The following JARID2 variants were observed in gnomAD, a reference collection of about 807,000 sequenced individuals.
The protein encoded by JARID2 is protein Jumonji.
JARID2 carries 21 observed loss-of-function variants against 125.6 expected under a neutral mutation model. That is an observed-to-expected ratio of 0.17 (90% CI 0.12 to 0.24). The LOEUF (loss-of-function observed/expected upper bound fraction) is 0.24, where lower values mean the gene tolerates loss of function less well. Ranked by LOEUF, JARID2 falls within the 10% of genes least tolerant of loss-of-function variation. The pLI, the probability that JARID2 is intolerant of heterozygous loss-of-function variation, is 1.00. For missense variants in JARID2, 1,303 were observed against 1,639.6 expected (o/e 0.79, Z 3.55); for synonymous variants, 736 against 661.6 (o/e 1.11, Z -1.73).
chr6:15,290,386 G>T (rs1761160527), intron 1 of JARID2, among the ~76,000 whole-genome samples: 1 of 152,114 alleles, frequency 6.6e-6, no homozygotes, highest in African/African-American at 2.4e-5. Flanking sequence ...TTCCTTTCTT[G>T]TGGGTAAATA....
Position 15,403,746 on chromosome 6 carries a change from T to G in JARID2, c.182-6478T>G, listed in dbSNP as rs185492974. 2.0e-5 allele frequency among the ~76,000 whole-genome samples: 3 copies of G among 152,032 alleles called. No homozygotes were observed. In the East Asian group the frequency reaches 5.8e-4, roughly 29 times the overall value. On this transcript the variant is annotated intron_variant, in intron 2 of 17. Coordinates refer to ENST00000341776, the MANE Select transcript of JARID2 (RefSeq NM_004973.4). ...TTGAAGGTGTGTCGTGGGGGCGGAT[T>G]CTGGTGGTGGTGAGAGAGCTCTTGT...
chr6:15,450,342 G>A (rs144032455), intron 3 of JARID2, among the ~76,000 whole-genome samples: 1 of 152,144 alleles, frequency 6.6e-6, no homozygotes, highest in South Asian at 2.1e-4. Flanking sequence ...GCTAATTTTT[G>A]TATTTTTAGT....
At chr6:15,487,803 C>G (rs539118055) in intron 6 of JARID2, among the ~76,000 whole-genome samples, 85 of 151,906 alleles carry the variant, frequency 5.6e-4, no homozygotes, top group Middle Eastern at 6.8e-3. Flanking sequence ...TTTACTTAAG[C>G]CTTCTCCCAC....
At chr6:15,325,934 T>G (rs563197354) in intron 1 of JARID2, among the ~76,000 whole-genome samples, 3 of 152,356 alleles carry the variant, frequency 2.0e-5, no homozygotes, top group East Asian at 3.9e-4. Flanking sequence ...GTGCCACTTT[T>G]CTCACAGTTT....
At chr6:15,509,562 C>T (rs539396811) in intron 12 of JARID2, among the ~76,000 whole-genome samples, 3 of 152,326 alleles carry the variant, frequency 2.0e-5, no homozygotes, top group South Asian at 2.1e-4. Flanking sequence ...GCCTGTGGAG[C>T]GGGGACTGAC....
At chr6:15,368,801 G>A (rs989304957) in intron 1 of JARID2, 9 of 453,382 alleles carry the variant, frequency 2.0e-5, no homozygotes, top group South Asian at 4.7e-5. Flanking sequence ...TGAAGCATTC[G>A]TCTTGGAGGT....
chr6:15,332,957 T>C (rs1762763688), intron 1 of JARID2, among the ~76,000 whole-genome samples: 1 of 113,444 alleles, frequency 8.8e-6, no homozygotes, highest in African/African-American at 3.6e-5. Context: ...TTTTTTTTTT[T>C]TGGAGACGGA....
chr6:15,294,254 G>C (rs1761327037), intron 1 of JARID2, among the ~76,000 whole-genome samples: 1 of 152,172 alleles, frequency 6.6e-6, no homozygotes, highest in Non-Finnish European at 1.5e-5. Context: ...GTGCAATGGT[G>C]TGATCTTGGC....
intron 3 of JARID2, among the ~76,000 whole-genome samples, chr6:15,415,342 A>ACGGGG (rs1398004313): frequency 6.6e-6 from 1 of 151,976 alleles, no homozygotes; most frequent in Non-Finnish European, 1.5e-5. Context: ...CACCTCCCAG[A>ACGGGG]CGGGGCGGTG....
At chr6:15,365,071 A>G (rs1185554311) in intron 1 of JARID2, among the ~76,000 whole-genome samples, 1 of 152,228 alleles carries the variant, frequency 6.6e-6, no homozygotes, top group South Asian at 2.1e-4. Context: ...TTGTAAATAA[A>G]TTAACATAAA....
At chr6:15,317,595 T>TG (rs1214039663) in intron 1 of JARID2, among the ~76,000 whole-genome samples, 1 of 152,026 alleles carries the variant, frequency 6.6e-6, no homozygotes, top group Non-Finnish European at 1.5e-5. Flanking sequence ...CCTGAATGCT[T>TG]GCCGTGTAAC....
At chr6:15,330,105 G>A (rs1762658315) in intron 1 of JARID2, among the ~76,000 whole-genome samples, 2 of 152,170 alleles carry the variant, frequency 1.3e-5, no homozygotes, top group South Asian at 2.1e-4. Context: ...TGGTGAGAAC[G>A]TTTGTATTCT....
intron 9 of JARID2, among the ~76,000 whole-genome samples, chr6:15,506,595 G>A (rs147924995): frequency 3.3e-5 from 5 of 152,318 alleles, no homozygotes; most frequent in African/African-American, 7.2e-5. Context: ...AGGTGACTGC[G>A]TGGGGAGGCT....
intron 1 of JARID2, among the ~76,000 whole-genome samples, chr6:15,343,968 G>C (rs187319227): frequency 6.6e-5 from 10 of 152,282 alleles, no homozygotes; most frequent in Admixed American, 5.9e-4. Flanking sequence ...GCTCGGTGCT[G>C]CTGATCCTGC....
chr6:15,509,077 C>A, intron 12 of JARID2: 1 of 1,289,296 alleles, frequency 7.8e-7, no homozygotes, highest in Non-Finnish European at 1.0e-6. Flanking sequence ...CCTGTGGAGT[C>A]TGTTGCCTGG....
At chr6:15,302,985 A>G (rs192066524) in intron 1 of JARID2, among the ~76,000 whole-genome samples, 1 of 152,228 alleles carries the variant, frequency 6.6e-6, no homozygotes, top group Admixed American at 6.5e-5. Flanking sequence ...CGGCCTCCCA[A>G]AGTGCTGGGA....
intron 1 of JARID2, among the ~76,000 whole-genome samples, chr6:15,310,984 A>G (rs967473538): frequency 7.2e-5 from 11 of 152,304 alleles, no homozygotes; most frequent in African/African-American, 2.6e-4. Flanking sequence ...GGGAACCGTC[A>G]TAGAGTGAAT....
chr6:15,518,400 A>G (rs994248559), intron 17 of JARID2, among the ~76,000 whole-genome samples: 2 of 152,172 alleles, frequency 1.3e-5, no homozygotes, highest in South Asian at 4.1e-4. Context: ...ATGAATTAGG[A>G]GCAAAGGTAT....
chr6:15,429,764 A>G (rs758758227), intron 3 of JARID2, among the ~76,000 whole-genome samples: 23 of 152,142 alleles, frequency 1.5e-4, no homozygotes, highest in Non-Finnish European at 2.8e-4. Flanking sequence ...GTAGTGATAC[A>G]TACCGTTTTG....
Sources: gnomAD v4.1 joint callset for allele counts (sites outside exome capture counted in the v4.1 genomes callset) on GRCh38, gnomAD v4.1.1 for gene constraint, MANE v1.5 for transcripts, NCBI Gene and HGNC (gene_info 2026-07-23, HGNC 2026-07-21) for gene names.